ALDH9A1: variants seen among roughly 807,000 people sequenced by gnomAD.
ALDH9A1 encodes the protein 4-trimethylaminobutyraldehyde dehydrogenase.
A neutral mutation model predicts 56.6 loss-of-function variants in ALDH9A1; 42 were observed. The observed-to-expected ratio is 0.74, with a 90% CI of 0.58 to 0.96. The LOEUF is 0.96. Ranked by LOEUF, ALDH9A1 falls within the 40% of genes least tolerant of loss-of-function variation. The pLI, the probability that ALDH9A1 is intolerant of heterozygous loss-of-function variation, is 0.00. For missense variants in ALDH9A1, 661 were observed against 651.5 expected (o/e 1.01, Z -0.16); for synonymous variants, 242 against 236.0 (o/e 1.03, Z -0.23).
At chr1:165,683,796 CA>C (rs879902956) in intron 2 of ALDH9A1, among the ~76,000 whole-genome samples, 1 of 151,982 alleles carries the variant, frequency 6.6e-6, no homozygotes, top group Admixed American at 6.6e-5. Context: ...ATAGATGGTC[CA>C]ATGATGAGCT....
intron 1 of ALDH9A1, among the ~76,000 whole-genome samples, chr1:165,695,599 G>A (rs12084748): frequency 0.32 from 46,180 of 143,786 alleles, 7,506 homozygotes; most frequent in South Asian, 0.56. Flanking sequence ...GAGTTCAAGC[G>A]ATTCCCCTGC....
intron 4 of ALDH9A1, among the ~76,000 whole-genome samples, chr1:165,681,191 A>G (rs1649541458): frequency 6.6e-6 from 1 of 151,912 alleles, no homozygotes. Context: ...TAAGTAAACA[A>G]CTCTTGTCCT....
chr1:165,677,095 G>A (rs902498937), intron 6 of ALDH9A1, among the ~76,000 whole-genome samples: 20 of 152,098 alleles, frequency 1.3e-4, no homozygotes, highest in African/African-American at 4.8e-4. Flanking sequence ...AAAACAGGCC[G>A]GGCACGGTGG....
chr1:165,693,946 T>C (rs1649980048), intron 2 of ALDH9A1, among the ~76,000 whole-genome samples: 2 of 151,856 alleles, frequency 1.3e-5, no homozygotes, highest in South Asian at 4.1e-4. Context: ...ACCATCATTC[T>C]GAGCAAACTA....
chr1:165,679,328 T>C, intron 6 of ALDH9A1, 114 bp downstream of exon 6: 1 of 1,229,408 alleles, frequency 8.1e-7, no homozygotes, highest in South Asian at 1.6e-5. Flanking sequence ...TTTGTACTAT[T>C]TGTGCAACTT....
chr1:165,667,478 A>G (rs776359838), intron 8 of ALDH9A1, 28 bp from the exon 9 acceptor site: 1 of 1,610,814 alleles, frequency 6.2e-7, no homozygotes, highest in South Asian at 1.1e-5. Flanking sequence ...AAACCTCCTG[A>G]GCAGCTGGGA....
chr1:165,668,397 C>T (rs1027599909), intron 8 of ALDH9A1, among the ~76,000 whole-genome samples: 3 of 152,152 alleles, frequency 2.0e-5, no homozygotes, highest in Non-Finnish European at 4.4e-5. Flanking sequence ...CTCTTGCTCT[C>T]TCTTTCACCA....
At chr1:165,696,864 T>A (rs1321853628) in intron 1 of ALDH9A1, among the ~76,000 whole-genome samples, 3 of 152,172 alleles carry the variant, frequency 2.0e-5, no homozygotes, top group African/African-American at 7.2e-5. Flanking sequence ...CAAAGAGCAA[T>A]TTTTCTTTCT....
At chr1:165,670,286 A>C (rs1558003301) in intron 6 of ALDH9A1, among the ~76,000 whole-genome samples, 1 of 152,162 alleles carries the variant, frequency 6.6e-6, no homozygotes, top group Non-Finnish European at 1.5e-5. Flanking sequence ...CATAAAAATT[A>C]GTTGGGTGTG....
At chr1:165,679,043 G>T (rs961263689) in intron 6 of ALDH9A1, among the ~76,000 whole-genome samples, 1 of 152,160 alleles carries the variant, frequency 6.6e-6, no homozygotes, top group Non-Finnish European at 1.5e-5. Flanking sequence ...TTGAATAAGG[G>T]CTATAGATTG....
Position 165,695,402 on chromosome 1 carries a change from A to G in ALDH9A1, c.182-5T>C, listed in dbSNP as rs201808615. 3.1e-6 allele frequency: 5 copies of G among 1,591,148 alleles called. No homozygotes were observed. The highest frequency in any genetic ancestry group is 4.3e-6 in the Non-Finnish European group (5 of 1,171,972). ...TGAAAGTAGCTATCACTCGGCCTATAAAGAGCGGAAACATCAGTTTTAACT... is the reference window on the plus strand; with the variant it reads ...TGAAAGTAGCTATCACTCGGCCTATGAAGAGCGGAAACATCAGTTTTAACT... On this transcript the variant is annotated splice_polypyrimidine_tract_variant and splice_region_variant and intron_variant, in intron 1 of 10. Transcript: ENST00000354775.
intron 2 of ALDH9A1, among the ~76,000 whole-genome samples, chr1:165,693,753 GAC>G (rs1198442826): frequency 1.3e-5 from 2 of 152,134 alleles, no homozygotes; most frequent in East Asian, 3.9e-4. Context: ...CTACTATAAA[GAC>G]ACATGCACAC....
chr1:165,671,774 C>CAA, intron 6 of ALDH9A1: 1 of 251,358 alleles, frequency 4.0e-6, no homozygotes. Context: ...GCTTAACTAA[C>CAA]AAACAAAAAA....
Position 165,679,456 on chromosome 1 carries a change from G to C in ALDH9A1, c.916C>G (p.Leu306Val). The C allele has an allele frequency of 6.2e-7, 1 of 1,614,148 alleles. No individual in the cohort carries two copies. The highest frequency in any genetic ancestry group is 2.2e-5 in the East Asian group (1 of 44,870). The change falls in exon 6 of 11, where the codon CTC (leucine) becomes GTC (valine). Residue 306 changes from leucine (L) to valine (V), a missense_variant. Transcript: ENST00000354775. ...AVKGALMANF[L>V]TQGQVCCNGT... ...CAGGTACATACCTGGCCTTGTGTGA[G>C]GAAGTTGGCCATCAGCGCCCCCTTT...
At chr1:165,665,202 C>G in intron 9 of ALDH9A1, 72 bp from the exon 10 acceptor site, 1 of 1,169,074 alleles carries the variant, frequency 8.6e-7, no homozygotes, top group Non-Finnish European at 1.3e-6. Flanking sequence ...AAAAGTTACA[C>G]TGCCAGTTCT....
intron 3 of ALDH9A1, 112 bp downstream of exon 3, chr1:165,682,868 AC>A (rs775851586): frequency 6.2e-5 from 79 of 1,282,494 alleles, no homozygotes; most frequent in Non-Finnish European, 7.5e-5. Context: ...AAAGTGACAA[AC>A]CCAAGACTTT....
Position 165,662,381 on chromosome 1 carries a change from G to A in ALDH9A1, c.*669C>T, listed in dbSNP as rs2101730847. 6.6e-6 allele frequency: 1 copy of A among 152,398 alleles called. No individual in the cohort carries two copies. Among genetic ancestry groups the A allele is most frequent in the East Asian group, 1.9e-4 (1 of 5,186 alleles). 9.4% of individuals were successfully genotyped at this position (152,398 alleles called of 1,614,324 possible). On this transcript the variant is annotated 3_prime_UTR_variant, in exon 11 of 11. Transcript: ENST00000354775. The stretch of plus-strand genomic sequence containing the variant: ...TATCGCAGTAGTGAACAGAGACAAA[G>A]TGCTTACTAGGCAAGTTCACATTCA...
intron 6 of ALDH9A1, among the ~76,000 whole-genome samples, chr1:165,669,959 C>T (rs1363283215): frequency 6.6e-6 from 1 of 152,144 alleles, no homozygotes; most frequent in Admixed American, 6.5e-5. Flanking sequence ...AGTCCAAAAA[C>T]ACAGCCAAGT....
In ALDH9A1 at chr1:165,680,557, C is replaced by A; in HGVS notation, c.719G>T (p.Gly240Val). Residue 240 changes from glycine to valine, a missense_variant, in exon 5 of 11, where the codon GGC becomes GTC. Gly to Val is a moderately radical substitution (Grantham distance 109). Coordinates refer to ENST00000354775, the MANE Select transcript of ALDH9A1 (RefSeq NM_000696.4). ...FNVVQGGAAT[G>V]QFLCQHPDVA... ...ATCGGGATGCTGACACAGAAACTGG[C>A]CTGTGGCAGCCCCTCCCTGCACCAC... 6.2e-7 allele frequency: 1 copy of A among 1,614,188 alleles called. No individual in the cohort carries two copies.
Sources: gnomAD v4.1 joint callset for allele counts (sites outside exome capture counted in the v4.1 genomes callset) on GRCh38, gnomAD v4.1.1 for gene constraint, MANE v1.5 for transcripts, NCBI Gene and HGNC (gene_info 2026-07-23, HGNC 2026-07-21) for gene names.